ZNF214: variants seen among roughly 807,000 people sequenced by gnomAD.
The protein encoded by ZNF214 is zinc finger protein 214.
ZNF214 carries 43 observed loss-of-function variants against 53.9 expected under a neutral mutation model. The observed-to-expected ratio is 0.80, with a 90% confidence interval of 0.63 to 1.03. ZNF214 has a LOEUF of 1.03. Ranked by LOEUF, ZNF214 falls within the 50% of genes least tolerant of loss-of-function variation. The pLI is 0.00. For synonymous variants in ZNF214, 217 were observed against 229.5 expected (o/e 0.95, Z 0.49); for missense variants, 724 against 719.1 (o/e 1.01, Z -0.08).
intron 1 of ZNF214, among the ~76,000 whole-genome samples, chr11:7,014,857 T>A (rs1192388827): frequency 6.7e-6 from 1 of 149,696 alleles, no homozygotes; most frequent in Non-Finnish European, 1.5e-5. Flanking sequence ...GAGGTTGCAG[T>A]GTGCTGAGAT....
rs775397825 is a variant in ZNF214, at chr11:7,000,095, C to G, written c.1588G>C (p.Asp530His). The G allele has an allele frequency of 1.2e-6, 2 of 1,613,400 alleles. No homozygotes were observed. The highest frequency in any genetic ancestry group is 1.6e-4 in the Middle Eastern group (1 of 6,062). ...HTGEKPYKCH[D>H]CGKGFSHSSN... Reference sequence around the variant, plus strand: ...CTGTGACTAAAACCCTTTCCACAATCATGACATTTATAGGGCTTTTCTCCT... The same window carrying G: ...CTGTGACTAAAACCCTTTCCACAATGATGACATTTATAGGGCTTTTCTCCT... The change falls in exon 3 of 3, where the codon GAT becomes CAT. Residue 530 changes from aspartate (D) to histidine (H), a missense_variant. Transcript: ENST00000278314.
intron 1 of ZNF214, among the ~76,000 whole-genome samples, chr11:7,018,801 G>A (rs936838644): frequency 5.3e-5 from 8 of 152,066 alleles, no homozygotes; most frequent in Admixed American, 2.0e-4. Flanking sequence ...CGCGCCTGGC[G>A]ATGACATTCT....
intron 1 of ZNF214, among the ~76,000 whole-genome samples, chr11:7,008,676 C>G (rs1182701164): frequency 6.6e-6 from 1 of 152,038 alleles, no homozygotes; most frequent in Non-Finnish European, 1.5e-5. Flanking sequence ...GATTCCATAC[C>G]TAGAAAATCC....
Position 6,999,709 on chromosome 11 carries a change from T to G in ZNF214, c.*153A>C. On this transcript the variant is annotated 3_prime_UTR_variant, in exon 3 of 3. Transcript: ENST00000278314. ...TAGGGTTTTTTCTAAAGATCTCCTT[T>G]TGAAGCAAATAATTCTTAGTGGGAG... 1 of 807,188 alleles carries G rather than the reference T, an allele frequency of 1.2e-6. No individual in the cohort carries two copies. Among genetic ancestry groups the G allele is most frequent in the Non-Finnish European group, 1.8e-6 (1 of 555,136 alleles). The allele number at this position is 807,188 out of a possible 1,614,324, so 50.0% of individuals were successfully genotyped here.
chr11:7,000,811 T>A lies in ZNF214; in HGVS notation c.872A>T (p.His291Leu). The A allele has an allele frequency of 6.2e-7, 1 of 1,611,302 alleles. No individual in the cohort carries two copies. ...CCCTATGTGAACTCTCTGATGAAAG[T>A]GAACTCCGGAGCTCTGATGAAAGTT... The part of the protein sequence containing the change: ...DGNFHQSSGV[H>L]FHQRVHIGEV... The change falls in exon 3 of 3, where the codon CAC (histidine) becomes CTC (leucine). Residue 291 changes from histidine to leucine, a missense_variant. Transcript: ENST00000278314.
chr11:7,018,002 A>G (rs551996827), intron 1 of ZNF214, among the ~76,000 whole-genome samples: 1 of 152,300 alleles, frequency 6.6e-6, no homozygotes, highest in African/African-American at 2.4e-5. Flanking sequence ...TTTTAATTTA[A>G]TGTTTTATAT....
chr11:7,013,357 T>C (rs1034056879), intron 1 of ZNF214, among the ~76,000 whole-genome samples: 6 of 152,178 alleles, frequency 3.9e-5, no homozygotes, highest in African/African-American at 1.4e-4. Flanking sequence ...AAGCTGAGTG[T>C]TGTGAAGGAA....
chr11:7,003,845 A>C (rs1306410846), intron 1 of ZNF214, among the ~76,000 whole-genome samples: 2 of 151,980 alleles, frequency 1.3e-5, no homozygotes, highest in East Asian at 3.9e-4. Context: ...AAGAATGAGA[A>C]CATTCAGAGC....
At chr11:7,016,219 A>G (rs1416386354) in intron 1 of ZNF214, among the ~76,000 whole-genome samples, 1 of 152,172 alleles carries the variant, frequency 6.6e-6, no homozygotes, top group African/African-American at 2.4e-5. Context: ...TAACAGCCCT[A>G]CACAGCAGCT....
At position 7,000,034 on chromosome 11, in the gene ZNF214, C is replaced by G; in HGVS notation, c.1649G>C (p.Gly550Ala). 1 of 1,613,342 alleles carries G rather than the reference C, an allele frequency of 6.2e-7. No homozygotes were observed. Among genetic ancestry groups the G allele is most frequent in the Non-Finnish European group, 8.5e-7 (1 of 1,179,558 alleles). The change falls in exon 3 of 3, where the codon GGA becomes GCA. Residue 550 changes from glycine to alanine, a missense_variant. Transcript: ENST00000278314. ...CTTAGCACATTGATAAGGCTTCTCT[C>G]CTGTATGGACCCTCTGATGAATGTG... The part of the protein sequence containing the change: ...NLHIHQRVHT[G>A]EKPYQCAKCG...
intron 2 of ZNF214, 22 bp downstream of exon 2, chr11:7,002,687 C>A: frequency 6.3e-7 from 1 of 1,576,866 alleles, no homozygotes; most frequent in Non-Finnish European, 8.6e-7. Context: ...ACTCTATTCC[C>A]TATGAGACGG....
chr11:7,001,929 T>C (rs1300084127), intron 2 of ZNF214, among the ~76,000 whole-genome samples: 7 of 152,006 alleles, frequency 4.6e-5, no homozygotes, highest in Admixed American at 3.3e-4. Context: ...AAACAAAATA[T>C]ATTGTTCCTA....
At chr11:7,018,495 CTTTTTTTTTT>C (rs55641448) in intron 1 of ZNF214, among the ~76,000 whole-genome samples, 4 of 61,878 alleles carry the variant, frequency 6.5e-5, no homozygotes, top group Non-Finnish European at 8.8e-5. Context: ...AATGTTAAGA[CTTTTTTTTTT>C]TTTTTTTTTT....
At chr11:7,015,958 G>A (rs1851753178) in intron 1 of ZNF214, 1 of 151,926 alleles carries the variant, frequency 6.6e-6, no homozygotes, top group African/African-American at 2.4e-5. Flanking sequence ...ACATGACAAA[G>A]GTTACATCAA....
At chr11:7,011,394 T>C (rs953635167) in intron 1 of ZNF214, among the ~76,000 whole-genome samples, 2 of 152,040 alleles carry the variant, frequency 1.3e-5, no homozygotes, top group Non-Finnish European at 2.9e-5. Context: ...CACAATTCAC[T>C]ATATTAATAG....
At chr11:7,007,648 A>G (rs1241992146) in intron 1 of ZNF214, among the ~76,000 whole-genome samples, 1 of 151,938 alleles carries the variant, frequency 6.6e-6, no homozygotes, top group Non-Finnish European at 1.5e-5. Context: ...ATGTGAGGGG[A>G]AATATACATA....
Position 7,000,545 on chromosome 11 carries a change from G to A in ZNF214, c.1138C>T (p.His380Tyr). 6.2e-7 allele frequency: 1 copy of A among 1,611,920 alleles called. No homozygotes were observed. Among genetic ancestry groups the A allele is most frequent in the African/African-American group, 1.3e-5 (1 of 74,880 alleles). ...CACTTATATGGTTTTTCTCCTGTGTGGACTCTCTGATGAACATGAAGTACT... is the reference window on the plus strand; with the variant it reads ...CACTTATATGGTTTTTCTCCTGTGTAGACTCTCTGATGAACATGAAGTACT... ...SSVLHVHQRVHTGEKPYKCDE... is the reference protein window; with the variant it reads ...SSVLHVHQRVYTGEKPYKCDE... Residue 380 changes from histidine to tyrosine, a missense_variant, in exon 3 of 3, where the codon CAC becomes TAC. By Grantham distance (83) the His-to-Tyr change is moderately conservative (BLOSUM62 2). Transcript: ENST00000278314.
At chr11:7,014,812 A>C (rs944193266) in intron 1 of ZNF214, among the ~76,000 whole-genome samples, 8 of 148,152 alleles carry the variant, frequency 5.4e-5, no homozygotes, top group African/African-American at 2.0e-4. Context: ...AACAAAAAAA[A>C]AAAAAAACAA....
Position 6,997,220 on chromosome 11 carries a change from T to TA in ZNF214, c.*2641dup, listed in dbSNP as rs1237082998. On this transcript the variant is annotated 3_prime_UTR_variant, in exon 3 of 3. Coordinates refer to ENST00000278314, the MANE Select transcript of ZNF214 (RefSeq NM_013249.4). ...AATGATTTTGTATTTTTGCCCAACT[T>TA]AATGAGTTTAAATTAGTGCACTTTT... Among the ~76,000 whole-genome samples the TA allele has an allele frequency of 1.3e-5, 2 of 151,878 alleles. No individual in the cohort carries two copies. Among genetic ancestry groups the TA allele is most frequent in the Non-Finnish European group, 2.9e-5 (2 of 67,846 alleles).
Sources: gnomAD v4.1 joint callset for allele counts (sites outside exome capture counted in the v4.1 genomes callset) on GRCh38, gnomAD v4.1.1 for gene constraint, MANE v1.5 for transcripts, NCBI Gene and HGNC (gene_info 2026-07-23, HGNC 2026-07-21) for gene names.